The following ERBB4 variants were observed in gnomAD, a reference collection of about 807,000 sequenced individuals.
ERBB4 encodes the protein erb-b2 receptor tyrosine kinase 4, also known as receptor tyrosine-protein kinase erbB-4.
A neutral mutation model predicts 158.0 loss-of-function variants in ERBB4; 42 were observed. The observed-to-expected ratio is 0.27, with a 90% CI of 0.21 to 0.34. The LOEUF (loss-of-function observed/expected upper bound fraction) is 0.34. ERBB4 is among the 10% of genes least tolerant of loss of function. The pLI is 1.00. For missense variants in ERBB4, 1,333 were observed against 1,624.1 expected (o/e 0.82, Z 3.08); for synonymous variants, 583 against 558.7 (o/e 1.04, Z -0.61).
intron 3 of ERBB4, among the ~76,000 whole-genome samples, chr2:211,826,950 T>A (rs533824602): frequency 1.3e-5 from 2 of 152,022 alleles, no homozygotes; most frequent in Non-Finnish European, 2.9e-5. Context: ...CTTTTGCATG[T>A]GTGTATATAT....
intron 6 of ERBB4, among the ~76,000 whole-genome samples, chr2:211,724,340 GT>G (rs1321662092): frequency 6.7e-6 from 1 of 150,122 alleles, no homozygotes; most frequent in Non-Finnish European, 1.5e-5. Context: ...CTGGAATTAA[GT>G]GTCTTTCTTT....
At chr2:212,278,591 G>C (rs17346524) in intron 1 of ERBB4, among the ~76,000 whole-genome samples, 4,383 of 151,600 alleles carry the variant, frequency 0.029, 72 homozygotes, top group Non-Finnish European at 0.037. Context: ...TGTGTACTTG[G>C]TAACTCTTCT....
intron 1 of ERBB4, among the ~76,000 whole-genome samples, chr2:212,303,526 A>G (rs1236006744): frequency 6.6e-6 from 1 of 151,454 alleles, no homozygotes; most frequent in Non-Finnish European, 1.5e-5. Flanking sequence ...AAGCCCTGAA[A>G]GTTGTAAAAA....
chr2:211,812,766 A>C (rs1449441715), intron 3 of ERBB4, among the ~76,000 whole-genome samples: 1 of 152,130 alleles, frequency 6.6e-6, no homozygotes, highest in Non-Finnish European at 1.5e-5. Flanking sequence ...CTCTCCCCCT[A>C]CAGGCTGCTG....
intron 16 of ERBB4, among the ~76,000 whole-genome samples, chr2:211,654,026 C>T (rs1483544117): frequency 6.6e-6 from 1 of 152,130 alleles, no homozygotes; most frequent in African/African-American, 2.4e-5. Flanking sequence ...GTAAGATTCA[C>T]TTCAATCAAT....
intron 1 of ERBB4, among the ~76,000 whole-genome samples, chr2:212,460,408 G>A (rs1485154274): frequency 6.6e-6 from 1 of 152,196 alleles, no homozygotes; most frequent in Non-Finnish European, 1.5e-5. Context: ...GAACTTCGTA[G>A]AGACTTGTTG....
intron 20 of ERBB4, among the ~76,000 whole-genome samples, chr2:211,539,657 GATTA>G (rs1354441957): frequency 6.6e-6 from 1 of 151,864 alleles, no homozygotes; most frequent in African/African-American, 2.4e-5. Context: ...TCATTTAAAG[GATTA>G]AGTGACTCCT....
rs560648079 is a variant in ERBB4 at position 211,794,180 on chromosome 2, A to G, written c.422-6021T>C. ...CAGTAATGCTTGTTGCAATGTTCTA[A>G]CTTATTAATACATACTTCAGTATCC... On this transcript the variant is annotated intron_variant, in intron 3 of 27. Transcript: ENST00000342788. Among the ~76,000 whole-genome samples the G allele has an allele frequency of 2.0e-5, 3 of 151,988 alleles. No individual in the cohort carries two copies. The South Asian group carries it at 6.2e-4, about 32-fold the overall frequency.
intron 2 of ERBB4, among the ~76,000 whole-genome samples, chr2:212,036,939 T>C (rs539757472): frequency 2.0e-5 from 3 of 152,290 alleles, no homozygotes; most frequent in South Asian, 2.1e-4. Context: ...ATCCTAGAGA[T>C]AGCAGAAATG....
chr2:212,007,634 T>C (rs1244436428), intron 2 of ERBB4, among the ~76,000 whole-genome samples: 1 of 151,948 alleles, frequency 6.6e-6, no homozygotes, highest in Non-Finnish European at 1.5e-5. Flanking sequence ...ATAAAGTAAA[T>C]GCTTGTCAAA....
At chr2:212,387,614 T>A (rs1029375338) in intron 1 of ERBB4, among the ~76,000 whole-genome samples, 5 of 151,940 alleles carry the variant, frequency 3.3e-5, no homozygotes, top group Non-Finnish European at 5.9e-5. Flanking sequence ...GACGGGGTTT[T>A]GTCATTTTGG....
intron 3 of ERBB4, among the ~76,000 whole-genome samples, chr2:211,897,825 C>T (rs1475873490): frequency 1.3e-5 from 2 of 152,020 alleles, no homozygotes; most frequent in African/African-American, 4.8e-5. Flanking sequence ...CTGACTGTAA[C>T]CTCAAACTCC....
intron 22 of ERBB4, among the ~76,000 whole-genome samples, chr2:211,425,187 G>T (rs1574466019): frequency 6.6e-6 from 1 of 152,122 alleles, no homozygotes; most frequent in South Asian, 2.1e-4. Context: ...ATATTACAAA[G>T]TGAATTTTGA....
At chr2:211,598,031 A>G (rs2068691697) in intron 19 of ERBB4, among the ~76,000 whole-genome samples, 1 of 152,204 alleles carries the variant, frequency 6.6e-6, no homozygotes. Flanking sequence ...AACTTCAGCT[A>G]GAGCCATCTG....
intron 11 of ERBB4, 132 bp from the exon 12 acceptor site, chr2:211,702,298 A>G: frequency 1.3e-6 from 1 of 781,792 alleles, no homozygotes; most frequent in South Asian, 1.5e-5. Context: ...TGTGTTTAGA[A>G]TATTGTTTTT....
intron 1 of ERBB4, among the ~76,000 whole-genome samples, chr2:212,416,336 A>G (rs954392159): frequency 6.6e-6 from 1 of 152,140 alleles, no homozygotes; most frequent in Admixed American, 6.6e-5. Flanking sequence ...GAAATGTACA[A>G]TAGTGTACTG....
chr2:212,207,475 C>T (rs1397733965), intron 1 of ERBB4, among the ~76,000 whole-genome samples: 10 of 152,090 alleles, frequency 6.6e-5, no homozygotes, highest in Non-Finnish European at 1.5e-4. Flanking sequence ...TGCTACACAA[C>T]ATATTAAGAG....
intron 13 of ERBB4, among the ~76,000 whole-genome samples, chr2:211,674,276 T>C (rs1240157164): frequency 3.9e-5 from 6 of 152,126 alleles, no homozygotes; most frequent in Admixed American, 3.3e-4. Context: ...ATTACAGAGA[T>C]GGCAATTTTT....
intron 2 of ERBB4, among the ~76,000 whole-genome samples, chr2:211,991,088 T>C (rs968831202): frequency 6.6e-6 from 1 of 152,034 alleles, no homozygotes; most frequent in African/African-American, 2.4e-5. Flanking sequence ...ATTCTAGTGA[T>C]GTCTATAGCT....
Sources: gnomAD v4.1 joint callset for allele counts (sites outside exome capture counted in the v4.1 genomes callset) on GRCh38, gnomAD v4.1.1 for gene constraint, MANE v1.5 for transcripts, NCBI Gene and HGNC (gene_info 2026-07-23, HGNC 2026-07-21) for gene names.